Variants in THSD7A observed in about 807,000 individuals in gnomAD.
THSD7A encodes thrombospondin type 1 domain containing 7A.
Under a neutral mutation model 231.3 loss-of-function variants are expected in THSD7A, and 96 were observed. The ratio of observed to expected loss-of-function variants is 0.41; its 90% CI spans 0.35 to 0.49. The LOEUF is 0.49. Ranked by LOEUF, THSD7A falls within the 20% of genes least tolerant of loss-of-function variation. THSD7A has a pLI of 0.05. For missense variants in THSD7A, 2,290 were observed against 2,070.2 expected, an observed-to-expected ratio of 1.11 and a Z score of -2.06; for synonymous variants, 940 against 743.3, an observed-to-expected ratio of 1.26 and a Z score of -4.30.
At chr7:11,790,701 T>A (rs1403770456) in intron 1 of THSD7A, among the ~76,000 whole-genome samples, 1 of 151,914 alleles carries the variant, frequency 6.6e-6, no homozygotes, top group South Asian at 2.1e-4. Context: ...TTTGAGAAAT[T>A]TTTAGACTCA....
chr7:11,469,346 A>G (rs1237313671), intron 9 of THSD7A, among the ~76,000 whole-genome samples: 1 of 152,186 alleles, frequency 6.6e-6, no homozygotes, highest in African/African-American at 2.4e-5. Flanking sequence ...TCTGTAAGTA[A>G]TAAAAGCAAA....
chr7:11,769,400 T>G (rs1362807320), intron 1 of THSD7A, among the ~76,000 whole-genome samples: 1 of 151,764 alleles, frequency 6.6e-6, no homozygotes, highest in African/African-American at 2.4e-5. Context: ...AAATCATCAA[T>G]TGTGTTGATC....
chr7:11,593,557 G>C (rs1780249377), intron 2 of THSD7A, 55 bp from the exon 3 acceptor site: 1 of 1,582,182 alleles, frequency 6.3e-7, no homozygotes, highest in East Asian at 2.3e-5. Context: ...TATGAACTTT[G>C]TCTTCTACGC....
At chr7:11,517,677 T>G (rs1296800810) in intron 6 of THSD7A, among the ~76,000 whole-genome samples, 1 of 152,192 alleles carries the variant, frequency 6.6e-6, no homozygotes, top group Non-Finnish European at 1.5e-5. Context: ...TTAATAGAAG[T>G]CTTTATAGAA....
At chr7:11,391,849 G>T (rs1782994160) in intron 23 of THSD7A, among the ~76,000 whole-genome samples, 1 of 152,032 alleles carries the variant, frequency 6.6e-6, no homozygotes, top group Non-Finnish European at 1.5e-5. Context: ...GGCTAGGGCA[G>T]GGAATCCCTG....
At chr7:11,588,314 C>A (rs1780002365) in intron 4 of THSD7A, among the ~76,000 whole-genome samples, 1 of 152,032 alleles carries the variant, frequency 6.6e-6, no homozygotes, top group Admixed American at 6.6e-5. Context: ...CTAACATAGT[C>A]TAAATTTGGT....
intron 13 of THSD7A, among the ~76,000 whole-genome samples, chr7:11,445,618 T>A (rs904705400): frequency 6.6e-6 from 1 of 152,032 alleles, no homozygotes; most frequent in African/African-American, 2.4e-5. Context: ...TGCTGCTTAA[T>A]GACATTTTGT....
At position 11,814,508 on chromosome 7, in the gene THSD7A, T is replaced by G. The variant is rs1784622349; in HGVS notation, c.190+17249A>C. On this transcript the variant is annotated intron_variant, in intron 1 of 27. Coordinates refer to ENST00000423059, the MANE Select transcript of THSD7A (RefSeq NM_015204.3). The surrounding 1 kb of genome is among the most constrained non-coding windows in gnomAD (Gnocchi z 5.1). ...GAATGATCTTGAAAGCTCTGAAAAC[T>G]TTCATCATGATTTGGGAAATCATGA... 6.6e-6 allele frequency among the ~76,000 whole-genome samples: 1 copy of G among 152,320 alleles called. No individual in the cohort carries two copies. Among genetic ancestry groups the G allele is most frequent in the South Asian group, 2.1e-4 (1 of 4,826 alleles).
At chr7:11,395,960 A>G (rs1371095935) in intron 23 of THSD7A, among the ~76,000 whole-genome samples, 1 of 152,196 alleles carries the variant, frequency 6.6e-6, no homozygotes. Context: ...ACACAGTACA[A>G]TCAAATTAGA....
chr7:11,763,786 C>G (rs577168426), intron 1 of THSD7A, among the ~76,000 whole-genome samples: 1 of 152,202 alleles, frequency 6.6e-6, no homozygotes, highest in South Asian at 2.1e-4. Context: ...GATTCCTGCT[C>G]TAGCTTTTCT....
chr7:11,458,215 C>T (rs1785373737), intron 11 of THSD7A, among the ~76,000 whole-genome samples: 1 of 151,834 alleles, frequency 6.6e-6, no homozygotes, highest in South Asian at 2.1e-4. Context: ...AAGTCTCTGA[C>T]CATATAAGTA....
intron 6 of THSD7A, among the ~76,000 whole-genome samples, chr7:11,505,857 GC>G (rs1787522904): frequency 6.6e-6 from 1 of 152,100 alleles, no homozygotes; most frequent in South Asian, 2.1e-4. Flanking sequence ...TAACTATGGG[GC>G]TCATTATCTA....
At position 11,372,454 on chromosome 7, in the gene THSD7A, T is replaced by C. The variant is rs572881927; in HGVS notation, c.*3340A>G. The stretch of plus-strand genomic sequence containing the variant: ...ATTAAAAACAAGCTTTTATGCACTC[T>C]TTTTAAATTCACTTAAGCTACACCG... On this transcript the variant is annotated 3_prime_UTR_variant, in exon 28 of 28. Transcript: ENST00000423059. 6.6e-6 allele frequency: 1 copy of C among 152,246 alleles called. No homozygotes were observed. The highest frequency in any genetic ancestry group is 2.1e-4 in the South Asian group (1 of 4,822). The allele number at this position is 152,246 out of a possible 1,614,324, so 9.4% of individuals were successfully genotyped here. A position where few individuals can be genotyped will look rare whatever the true frequency, so the allele number is the denominator to read the frequency against.
chr7:11,588,846 C>T (rs1304102356), intron 4 of THSD7A, among the ~76,000 whole-genome samples: 2 of 152,188 alleles, frequency 1.3e-5, no homozygotes, highest in African/African-American at 4.8e-5. Context: ...AATGTCCTAA[C>T]ATTACATGTT....
intron 1 of THSD7A, among the ~76,000 whole-genome samples, chr7:11,796,891 G>A (rs1784140371): frequency 6.6e-6 from 1 of 152,012 alleles, no homozygotes; most frequent in South Asian, 2.1e-4. Flanking sequence ...AAGGTTTAAA[G>A]TGTATACTAA....
At chr7:11,755,830 T>A (rs977285663) in intron 1 of THSD7A, among the ~76,000 whole-genome samples, 1 of 152,074 alleles carries the variant, frequency 6.6e-6, no homozygotes, top group Non-Finnish European at 1.5e-5. Context: ...CAGATCTAGA[T>A]GTATTCACTT....
chr7:11,791,260 T>A lies in THSD7A; in HGVS notation c.190+40497A>T, dbSNP rs1043987202. Among the ~76,000 whole-genome samples the A allele has an allele frequency of 3.9e-5, 6 of 152,126 alleles. No individual in the cohort carries two copies. In the East Asian group the frequency reaches 1.2e-3, roughly 29 times the overall value. Reference sequence around the variant, plus strand: ...ACACATTTCAGCTGCTTGCTCTGAGTGAGTTCTCTGATTATTACCAAAAGC... The same window carrying A: ...ACACATTTCAGCTGCTTGCTCTGAGAGAGTTCTCTGATTATTACCAAAAGC... On this transcript the variant is annotated intron_variant, in intron 1 of 27. Transcript: ENST00000423059.
intron 9 of THSD7A, among the ~76,000 whole-genome samples, chr7:11,464,953 A>G (rs39190): frequency 0.38 from 57,493 of 152,054 alleles, 11,076 homozygotes; most frequent in South Asian, 0.51. Flanking sequence ...AAAAAAAGGA[A>G]GCTATACAGC....
At chr7:11,665,205 T>C (rs1420058381) in intron 1 of THSD7A, among the ~76,000 whole-genome samples, 1 of 152,110 alleles carries the variant, frequency 6.6e-6, no homozygotes, top group Non-Finnish European at 1.5e-5. Context: ...ATGTGAATGT[T>C]GGAAGAGCCA....
Sources: gnomAD v4.1 joint callset for allele counts (sites outside exome capture counted in the v4.1 genomes callset) on GRCh38, gnomAD v4.1.1 for gene constraint, Gnocchi (gnomAD v3.1) non-coding constraint, MANE v1.5 for transcripts, NCBI Gene and HGNC (gene_info 2026-07-23, HGNC 2026-07-21) for gene names.